The following TEX15 variants were observed in gnomAD, a reference collection of about 807,000 sequenced individuals.
TEX15 encodes the protein testis expressed 15, meiosis and synapsis associated, also known as testis-expressed protein 15.
TEX15 carries 171 observed loss-of-function variants against 237.3 expected under a neutral mutation model. The ratio of observed to expected loss-of-function variants is 0.72; its 90% CI spans 0.64 to 0.82. The LOEUF is 0.82. Ranked by LOEUF, TEX15 falls within the 40% of genes least tolerant of loss-of-function variation. The pLI is 0.00. For synonymous variants in TEX15, 1,338 were observed against 1,269.8 expected (o/e 1.05, Z -1.14); for missense variants, 3,750 against 3,646.5 (o/e 1.03, Z -0.73).
chr8:30,851,183 A>G (rs1370128819), intron 7 of TEX15, among the ~76,000 whole-genome samples: 1 of 152,232 alleles, frequency 6.6e-6, no homozygotes, highest in Admixed American at 6.5e-5. Flanking sequence ...CAGTAAAATA[A>G]CCCAAGACAG....
rs1462987948 is a variant in TEX15, at chr8:30,843,638, C to G, written c.6529G>C (p.Glu2177Gln). The change falls in exon 8 of 11, where the codon GAA becomes CAA. Residue 2177 changes from glutamate to glutamine, a missense_variant. Coordinates refer to ENST00000643185, the MANE Select transcript of TEX15 (RefSeq NM_001350162.2). ...TCGGAACAATGCTCCATTATGGCTT[C>G]ACATTCATTAACCTGTCGTTTGTAC... ...LKYKRQVNECEAIMEHCSDCF... is the reference protein window; with the variant it reads ...LKYKRQVNECQAIMEHCSDCF... 2 of 1,612,624 alleles carry G rather than the reference C, an allele frequency of 1.2e-6. No individual in the cohort carries two copies. Among genetic ancestry groups the G allele is most frequent in the African/African-American group, 2.7e-5 (2 of 74,888 alleles).
At position 30,847,363 on chromosome 8, in the gene TEX15, G is replaced by A. The variant is rs1807644200; in HGVS notation, c.2804C>T (p.Ala935Val). The change falls in exon 8 of 11, where the codon GCA becomes GTA. Residue 935 changes from alanine (A) to valine (V), a missense_variant. Transcript: ENST00000643185. ...ICREDNAVSA[A>V]TALLESEEDT... The stretch of plus-strand genomic sequence containing the variant: ...TTCTTCACTCTCTAATAATGCAGTT[G>A]CTGCTGACACTGCATTATCTTCTCT... The A allele has an allele frequency of 6.2e-7, 1 of 1,613,314 alleles. No individual in the cohort carries two copies. Among genetic ancestry groups the A allele is most frequent in the African/African-American group, 1.3e-5 (1 of 74,884 alleles).
intron 2 of TEX15, among the ~76,000 whole-genome samples, chr8:30,894,347 A>G (rs1457299653): frequency 1.3e-5 from 2 of 152,304 alleles, no homozygotes; most frequent in East Asian, 3.9e-4. Context: ...TCCGTATTTG[A>G]TAATTCCAAC....
chr8:30,889,937 A>ATATATACG (rs1563273099), intron 2 of TEX15, among the ~76,000 whole-genome samples: 1 of 124,320 alleles, frequency 8.0e-6, no homozygotes, highest in African/African-American at 3.8e-5. Flanking sequence ...TTATATACAT[A>ATATATACG]TATATATATA....
intron 3 of TEX15, among the ~76,000 whole-genome samples, chr8:30,883,339 C>T (rs1382933929): frequency 6.6e-6 from 1 of 151,902 alleles, no homozygotes; most frequent in Non-Finnish European, 1.5e-5. Flanking sequence ...CAGGAGATAA[C>T]GATTCCTGGC....
intron 3 of TEX15, among the ~76,000 whole-genome samples, chr8:30,878,431 T>C (rs1347169910): frequency 6.6e-6 from 1 of 152,166 alleles, no homozygotes. Context: ...TTGCCCAGGC[T>C]AGAGTGCAAT....
Position 30,858,904 on chromosome 8 carries a change from T to C in TEX15, c.688-74A>G, listed in dbSNP as rs540038459. The C allele has an allele frequency of 7.7e-6, 8 of 1,034,558 alleles. No homozygotes were observed. In the East Asian group the frequency reaches 2.2e-4, roughly 29 times the overall value. The allele number at this position is 1,034,558 out of a possible 1,614,324, so 64.1% of individuals were successfully genotyped here. The stretch of plus-strand genomic sequence containing the variant: ...TGAATAAGCTCATATTTTTAAAAAA[T>C]CAATATAATTGCATATTATTTATAT... On this transcript the variant is annotated intron_variant, in intron 6 of 10. Coordinates refer to ENST00000643185, the MANE Select transcript of TEX15 (RefSeq NM_001350162.2).
chr8:30,912,121 C>T (rs778744063), intron 1 of TEX15, among the ~76,000 whole-genome samples: 4 of 152,212 alleles, frequency 2.6e-5, no homozygotes, highest in African/African-American at 9.6e-5. Flanking sequence ...AGCCCAGCTA[C>T]CCCCGCGCCG....
In TEX15 at chr8:30,846,099, G is replaced by A. The variant is rs180689906; in HGVS notation, c.4068C>T (p.His1356=). The A allele has an allele frequency of 1.3e-5, 21 of 1,613,382 alleles. No individual in the cohort carries two copies. In the Admixed American group the frequency reaches 2.0e-4, roughly 15 times the overall value. ...RIKTFSQSEK[H]IKSVLNILSD... ...TTAGGATATTTAGGACACTCTTAAT[G>A]TGCTTTTCTGACTGTGAAAATGTTT... The change falls in exon 8 of 11, where the codon CAC becomes CAT. Residue 1356 remains histidine (H), a synonymous_variant. Coordinates refer to ENST00000643185, the MANE Select transcript of TEX15 (RefSeq NM_001350162.2).
Position 30,847,617 on chromosome 8 carries a change from C to A in TEX15, c.2550G>T (p.Trp850Cys), listed in dbSNP as rs761768452. 47 of 1,613,236 alleles carry A rather than the reference C, an allele frequency of 2.9e-5. 1 individual carries two copies. In the South Asian group the frequency reaches 3.2e-4, roughly 11 times the overall value. ...TTTGTTTTTTGAAATTAACATTCAG[C>A]CATATATCATTGCTTAACTGTGAAT... Reference protein sequence around the residue: ...FCNSQLSNDIWLNVNFKKQTD... With the variant: ...FCNSQLSNDICLNVNFKKQTD... The change falls in exon 8 of 11, where the codon TGG (tryptophan) becomes TGT (cysteine). Residue 850 changes from tryptophan (W) to cysteine (C), a missense_variant. By Grantham distance (215) the Trp-to-Cys change is radical (BLOSUM62 -2). Coordinates refer to ENST00000643185, the MANE Select transcript of TEX15 (RefSeq NM_001350162.2).
intron 10 of TEX15, 53 bp downstream of exon 10, chr8:30,836,750 A>G: frequency 7.0e-7 from 1 of 1,423,666 alleles, no homozygotes; most frequent in Non-Finnish European, 9.6e-7. Context: ...ACATAAATGG[A>G]CACAGTTAAA....
rs1258440700 is a variant in TEX15, at chr8:30,847,802, CTATGT to C, written c.2360_2364del (p.Asn787ArgfsTer5). 1 of 1,613,760 alleles carries C rather than the reference CTATGT, an allele frequency of 6.2e-7. No homozygotes were observed. Among genetic ancestry groups the C allele is most frequent in the South Asian group, 1.1e-5 (1 of 91,078 alleles). On this transcript the variant is annotated frameshift_variant, in exon 8 of 11. Coordinates refer to ENST00000643185, the MANE Select transcript of TEX15 (RefSeq NM_001350162.2). LOFTEE classifies it high-confidence loss of function. ...CAATTTGAACTGTCATGAGCTGTTTCTATGTTATAAGATGAAATAACTGTATCAAT... is the reference window on the plus strand; with the variant it reads ...CAATTTGAACTGTCATGAGCTGTTTCTATAAGATGAAATAACTGTATCAAT...
chr8:30,862,153 C>T (rs1170757244), intron 5 of TEX15, among the ~76,000 whole-genome samples: 1 of 152,004 alleles, frequency 6.6e-6, no homozygotes, highest in East Asian at 1.9e-4. Context: ...TAATTTGACA[C>T]CTAGGAATAA....
intron 9 of TEX15, among the ~76,000 whole-genome samples, chr8:30,838,695 T>TAC (rs1463629103): frequency 2.0e-4 from 8 of 40,404 alleles, no homozygotes; most frequent in African/African-American, 5.6e-4. Context: ...TAATTATATA[T>TAC]ATACACACAC....
At chr8:30,888,240 T>C (rs929981181) in intron 2 of TEX15, among the ~76,000 whole-genome samples, 1 of 151,886 alleles carries the variant, frequency 6.6e-6, no homozygotes, top group Non-Finnish European at 1.5e-5. Flanking sequence ...TAAAAAGCAT[T>C]TTTTTCCCTA....
At chr8:30,911,612 C>T (rs1298354526) in intron 1 of TEX15, among the ~76,000 whole-genome samples, 1 of 152,182 alleles carries the variant, frequency 6.6e-6, no homozygotes, top group Non-Finnish European at 1.5e-5. Context: ...GCACTTAGGG[C>T]GTTGGGGTGC....
chr8:30,863,919 C>A (rs1004452779), intron 5 of TEX15, among the ~76,000 whole-genome samples: 2 of 150,008 alleles, frequency 1.3e-5, no homozygotes, highest in Non-Finnish European at 3.0e-5. Flanking sequence ...AAAAATATCA[C>A]CAGGCATGTA....
At chr8:30,864,421 C>G (rs1808113914) in intron 5 of TEX15, among the ~76,000 whole-genome samples, 1 of 151,000 alleles carries the variant, frequency 6.6e-6, no homozygotes, top group Admixed American at 6.6e-5. Context: ...AGGCTGAAAA[C>G]TTCCCAAATC....
chr8:30,910,994 C>T (rs936466324), intron 1 of TEX15, among the ~76,000 whole-genome samples: 3 of 152,140 alleles, frequency 2.0e-5, no homozygotes, highest in Admixed American at 2.0e-4. Flanking sequence ...ACTGTTAAAA[C>T]GAACTCTCCC....
Sources: gnomAD v4.1 joint callset for allele counts (sites outside exome capture counted in the v4.1 genomes callset) on GRCh38, gnomAD v4.1.1 for gene constraint, MANE v1.5 for transcripts, NCBI Gene and HGNC (gene_info 2026-07-23, HGNC 2026-07-21) for gene names.